The following TGFBRAP1 variants were observed in gnomAD, a reference collection of about 807,000 sequenced individuals.
TGFBRAP1 encodes transforming growth factor beta receptor associated protein 1, also known as transforming growth factor-beta receptor-associated protein 1.
Under a neutral mutation model 83.2 loss-of-function variants are expected in TGFBRAP1, and 20 were observed. That is an observed-to-expected ratio of 0.24 (90% confidence interval 0.17 to 0.35). The LOEUF is 0.35. Ranked by LOEUF, TGFBRAP1 falls within the 10% of genes least tolerant of loss-of-function variation. TGFBRAP1 has a pLI of 1.00. For synonymous variants in TGFBRAP1, 415 were observed against 459.8 expected, an observed-to-expected ratio of 0.90 and a Z score of 1.25; for missense variants, 950 against 1,099.4, an observed-to-expected ratio of 0.86 and a Z score of 1.92.
At position 105,269,768 on chromosome 2, in the gene TGFBRAP1, GCCT is replaced by G; in HGVS notation, c.1973-66_1973-64del. The G allele has an allele frequency of 4.9e-6, 7 of 1,428,642 alleles. No individual in the cohort carries two copies. The highest frequency in any genetic ancestry group is 6.4e-6 in the Non-Finnish European group (7 of 1,091,518). 88.5% of individuals were successfully genotyped at this position (1,428,642 alleles called of 1,614,324 possible). ...TCGCCGGCCACCCGCCCAGCGACTG[GCCT>G]CCTTGCTGCTCTGGGCTTCAGGAGG... is the stretch of plus-strand genomic sequence containing the variant. On this transcript the variant is annotated intron_variant, in intron 10 of 11. Transcript: ENST00000393359. The surrounding 1 kb of genome is among the most constrained non-coding windows in gnomAD (Gnocchi z 4.1).
At chr2:105,260,411 TA>T (rs1305482349), downstream of TGFBRAP1, among the ~76,000 whole-genome samples, 1 of 152,124 alleles carries the variant, frequency 6.6e-6, no homozygotes, top group Admixed American at 6.5e-5. Flanking sequence ...TCTGTCTCCA[TA>T]AAAAAGGAAG....
chr2:105,298,498 T>C lies in TGFBRAP1; in HGVS notation c.883+13A>G. On this transcript the variant is annotated intron_variant, in intron 3 of 11. Coordinates refer to ENST00000393359, the MANE Select transcript of TGFBRAP1 (RefSeq NM_004257.6). ...TAAGTAAATTTCACTAAGACTTCTA[T>C]GTGAATGAGTACCTTCAAAGTCCTG... The C allele has an allele frequency of 1.9e-6, 3 of 1,558,730 alleles. No individual in the cohort carries two copies. Among genetic ancestry groups the C allele is most frequent in the South Asian group, 1.2e-5 (1 of 84,634 alleles).
chr2:105,307,721 C>A lies in TGFBRAP1; in HGVS notation c.581G>T (p.Ser194Ile). The A allele has an allele frequency of 6.2e-7, 1 of 1,614,128 alleles. No individual in the cohort carries two copies. Among genetic ancestry groups the A allele is most frequent in the Non-Finnish European group, 8.5e-7 (1 of 1,180,032 alleles). Residue 194 changes from serine (S) to isoleucine (I), a missense_variant, in exon 2 of 12, where the codon AGC (serine) becomes ATC (isoleucine). By Grantham distance (142) the Ser-to-Ile change is moderately radical. Transcript: ENST00000393359. ...AAACAGGTCCTGGGAGACGCCTGTG[C>A]TGTAATTGTGGATGATGTACTGAGT... is the stretch of plus-strand genomic sequence containing the variant. ...LTTQYIIHNYSTGVSQDLFPY... is the reference protein window; with the variant it reads ...LTTQYIIHNYITGVSQDLFPY...
In TGFBRAP1 at chr2:105,302,826, T is replaced by C. The variant is rs563424677; in HGVS notation, c.689-4121A>G. 8.5e-5 allele frequency among the ~76,000 whole-genome samples: 13 copies of C among 152,334 alleles called. No individual in the cohort carries two copies. The South Asian group carries it at 1.9e-3, about 22-fold the overall frequency. On this transcript the variant is annotated intron_variant, in intron 2 of 11. Transcript: ENST00000393359. ...AAAATGAAACAAACAAATCTAACTATAAATCTAGTTGATGGCATAACCACA... is the reference window on the plus strand; with the variant it reads ...AAAATGAAACAAACAAATCTAACTACAAATCTAGTTGATGGCATAACCACA...
chr2:105,285,921 G>A (rs571842182), intron 4 of TGFBRAP1, among the ~76,000 whole-genome samples: 32 of 152,324 alleles, frequency 2.1e-4, no homozygotes, highest in Non-Finnish European at 2.2e-4. Context: ...GCAAGGCAAC[G>A]TTCTGTTGCC....
Position 105,267,137 on chromosome 2 carries a change from T to C in TGFBRAP1, c.*246A>G, listed in dbSNP as rs1479567117. ...ATGTACCTGGACAGGTGAACTCTTG[T>C]ATGTTTCTGTTTTGGGGATTTTTAG... On this transcript the variant is annotated 3_prime_UTR_variant, in exon 12 of 12. Transcript: ENST00000393359. 4.0e-6 allele frequency: 2 copies of C among 499,754 alleles called. No individual in the cohort carries two copies. The highest frequency in any genetic ancestry group is 2.0e-5 in the African/African-American group (1 of 51,228). 31.0% of individuals were successfully genotyped at this position (499,754 alleles called of 1,614,324 possible). A position where few individuals can be genotyped will look rare whatever the true frequency, so the allele number is the denominator to read the frequency against.
At chr2:105,279,544 A>G (rs968495064) in intron 6 of TGFBRAP1, among the ~76,000 whole-genome samples, 4 of 151,536 alleles carry the variant, frequency 2.6e-5, no homozygotes, top group African/African-American at 9.7e-5. Context: ...TACAGGCATG[A>G]ACCCCCATGT....
intron 4 of TGFBRAP1, among the ~76,000 whole-genome samples, chr2:105,285,080 T>C (rs775637784): frequency 3.3e-5 from 5 of 152,240 alleles, no homozygotes; most frequent in African/African-American, 4.8e-5. Flanking sequence ...GCATGGCTGG[T>C]GTCCTCGTCT....
At chr2:105,257,995 T>A in the TGFBRAP1 span, among the ~76,000 whole-genome samples, 1 of 152,174 alleles carries the variant, frequency 6.6e-6, no homozygotes, top group Admixed American at 6.5e-5. Flanking sequence ...ATTGAACACA[T>A]GAATGAATGA....
At chr2:105,298,798 A>C (rs1181829065) in intron 2 of TGFBRAP1, 93 bp from the exon 3 acceptor site, 20 of 1,244,678 alleles carry the variant, frequency 1.6e-5, no homozygotes, top group Non-Finnish European at 2.2e-5. Flanking sequence ...ACCCCTGCCC[A>C]CCAGCAATTT....
chr2:105,251,347 G>C, the TGFBRAP1 span, among the ~76,000 whole-genome samples: 1 of 144,076 alleles, frequency 6.9e-6, no homozygotes, highest in African/African-American at 2.6e-5. Flanking sequence ...GCCGCCCATC[G>C]TCTGAGATGT....
At chr2:105,285,152 A>G (rs1313782153) in intron 4 of TGFBRAP1, among the ~76,000 whole-genome samples, 1 of 152,190 alleles carries the variant, frequency 6.6e-6, no homozygotes, top group African/African-American at 2.4e-5. Flanking sequence ...TACAGATGCC[A>G]ACACCATAGC....
Position 105,272,938 on chromosome 2 carries a change from T to C in TGFBRAP1, c.1889A>G (p.Lys630Arg), listed in dbSNP as rs1573159894. The change falls in exon 10 of 12, where the codon AAG becomes AGG. Residue 630 changes from lysine to arginine, a missense_variant. Coordinates refer to ENST00000393359, the MANE Select transcript of TGFBRAP1 (RefSeq NM_004257.6). ...VLLQRASASG[K>R]GAEATETQAK... ...CTGCGTCTCGGTGGCCTCTGCACCC[T>C]TGCCACTGGCGGAGGCCCTCTGCAG... The C allele has an allele frequency of 6.2e-7, 1 of 1,612,462 alleles. No homozygotes were observed. The highest frequency in any genetic ancestry group is 8.5e-7 in the Non-Finnish European group (1 of 1,179,988).
intron 4 of TGFBRAP1, among the ~76,000 whole-genome samples, chr2:105,289,126 A>C (rs1452954805): frequency 2.0e-5 from 3 of 152,076 alleles, no homozygotes; most frequent in Non-Finnish European, 4.4e-5. Context: ...AATTCCAAAC[A>C]TGGGAATGGG....
intron 2 of TGFBRAP1, among the ~76,000 whole-genome samples, chr2:105,303,353 G>A (rs1261141368): frequency 6.6e-6 from 1 of 152,200 alleles, no homozygotes; most frequent in African/African-American, 2.4e-5. Flanking sequence ...AAGCACCTCT[G>A]GCTCCCAGAC....
intron 1 of TGFBRAP1, among the ~76,000 whole-genome samples, chr2:105,314,085 A>G (rs1343738910): frequency 2.6e-5 from 4 of 152,014 alleles, no homozygotes; most frequent in African/African-American, 9.7e-5. Flanking sequence ...GTACACAGAG[A>G]CAGATACATA....
chr2:105,280,400 C>T lies in TGFBRAP1; in HGVS notation c.1445G>A (p.Trp482Ter). The change falls in exon 6 of 12, where the codon TGG becomes TAG. Residue 482 changes from tryptophan to a stop codon, truncating the protein, a stop_gained. Transcript: ENST00000393359. LOFTEE classifies it high-confidence loss of function. The part of the protein sequence containing the change: ...NFCLLTDSAA[W>*]LEKHKKYFAL... ...CACTCACTTTTTGTGCTTCTCTAGC[C>T]AGGCAGCACTGTCCGTCAGAAGACA... The T allele has an allele frequency of 6.2e-7, 1 of 1,613,676 alleles. No individual in the cohort carries two copies. The highest frequency in any genetic ancestry group is 8.5e-7 in the Non-Finnish European group (1 of 1,179,826).
At chr2:105,298,409 T>G in intron 3 of TGFBRAP1, 102 bp downstream of exon 3, 1 of 1,303,172 alleles carries the variant, frequency 7.7e-7, no homozygotes, top group Non-Finnish European at 1.1e-6. Context: ...TCTGTGTATC[T>G]TTTATGCTTA....
At position 105,267,157 on chromosome 2, in the gene TGFBRAP1, T is replaced by C; in HGVS notation, c.*226A>G. On this transcript the variant is annotated 3_prime_UTR_variant, in exon 12 of 12. Coordinates refer to ENST00000393359, the MANE Select transcript of TGFBRAP1 (RefSeq NM_004257.6). ...TCTTGTATGTTTCTGTTTTGGGGAT[T>C]TTTAGGGGTTTTCCATGTACATTCA... 1 of 514,322 alleles carries C rather than the reference T, an allele frequency of 1.9e-6. No homozygotes were observed. The highest frequency in any genetic ancestry group is 3.3e-5 in the South Asian group (1 of 29,904). The allele number at this position is 514,322 out of a possible 1,614,324, so 31.9% of individuals were successfully genotyped here.
Sources: gnomAD v4.1 joint callset for allele counts (sites outside exome capture counted in the v4.1 genomes callset) on GRCh38, gnomAD v4.1.1 for gene constraint, Gnocchi (gnomAD v3.1) non-coding constraint, MANE v1.5 for transcripts, NCBI Gene and HGNC (gene_info 2026-07-23, HGNC 2026-07-21) for gene names.